CTNNA3: variants seen among roughly 807,000 people sequenced by gnomAD.
CTNNA3 encodes catenin alpha-3.
CTNNA3 carries 76 observed loss-of-function variants against 95.7 expected under a neutral mutation model. That is an observed-to-expected ratio of 0.79 (90% CI 0.66 to 0.96). The LOEUF (loss-of-function observed/expected upper bound fraction) is 0.96. CTNNA3 is among the 40% of genes least tolerant of loss of function. The probability of loss-of-function intolerance (pLI) is 0.00; values close to 1 mark genes in which losing one functional copy is unlikely to be tolerated. For synonymous variants in CTNNA3, 431 were observed against 374.4 expected, an observed-to-expected ratio of 1.15 and a Z score of -1.74; for missense variants, 1,191 against 1,089.8, an observed-to-expected ratio of 1.09 and a Z score of -1.31.
intron 1 of CTNNA3, among the ~76,000 whole-genome samples, chr10:67,681,150 A>G (rs1030161179): frequency 6.6e-6 from 1 of 152,214 alleles, no homozygotes; most frequent in African/African-American, 2.4e-5. Flanking sequence ...ATGTCCACAG[A>G]CCACTTGAGA....
rs551090969 is a variant in CTNNA3, at chr10:66,559,397, C to G, written c.1375-38624G>C. 2.0e-5 allele frequency among the ~76,000 whole-genome samples: 3 copies of G among 147,172 alleles called. No homozygotes were observed. The South Asian group carries it at 6.7e-4, about 33-fold the overall frequency. On this transcript the variant is annotated intron_variant, in intron 10 of 17. Coordinates refer to ENST00000433211, the MANE Select transcript of CTNNA3 (RefSeq NM_013266.4). ...TTCCTCACTTGTTCTCAATGAGGCA[C>G]AATATTGCCTCCTTCCAGAGGACAT...
rs557031645 is a variant in CTNNA3, at chr10:67,718,213, G to T, written c.-2+45221C>A. ...TTGCTTATCAGCTTAAGGAGATTTG[G>T]AGCTGAGAAAATGGGGTTTTCTAAA... On this transcript the variant is annotated intron_variant, in intron 1 of 17. Transcript: ENST00000684154. 3.3e-5 allele frequency among the ~76,000 whole-genome samples: 5 copies of T among 152,288 alleles called. No individual in the cohort carries two copies. In the East Asian group the frequency reaches 9.6e-4, roughly 29 times the overall value.
intron 17 of CTNNA3, among the ~76,000 whole-genome samples, chr10:65,924,831 C>T (rs1008201683): frequency 2.6e-5 from 4 of 152,168 alleles, no homozygotes; most frequent in African/African-American, 4.8e-5. Context: ...TCTTACATGG[C>T]AATCAAGGCA....
In CTNNA3 at chr10:67,474,261, T is replaced by C. The variant is rs558239218; in HGVS notation, c.579+47581A>G. 2.2e-3 allele frequency among the ~76,000 whole-genome samples: 336 copies of C among 152,342 alleles called. 2 individuals carry two copies. Among genetic ancestry groups the C allele is most frequent in the African/African-American group, 7.7e-3 (319 of 41,584 alleles). ...GGTCCTGAATACCAGAATGTGACTG[T>C]ATTTTGAGATAAGGCCTTTAAAAAG... is the stretch of plus-strand genomic sequence containing the variant. On this transcript the variant is annotated intron_variant, in intron 5 of 17. Transcript: ENST00000433211.
At chr10:67,726,164 C>A (rs1309861813) in intron 1 of CTNNA3, among the ~76,000 whole-genome samples, 19 of 89,530 alleles carry the variant, frequency 2.1e-4, no homozygotes, top group South Asian at 1.2e-3. Flanking sequence ...AATATATAAT[C>A]TTATATAATA....
intron 1 of CTNNA3, among the ~76,000 whole-genome samples, chr10:67,746,601 C>T (rs1841376074): frequency 6.6e-6 from 1 of 152,172 alleles, no homozygotes; most frequent in Admixed American, 6.5e-5. Flanking sequence ...GGGACAAAGG[C>T]AGCCCCCACC....
chr10:66,335,648 G>A (rs955923255), intron 12 of CTNNA3, among the ~76,000 whole-genome samples: 5 of 152,214 alleles, frequency 3.3e-5, no homozygotes, highest in East Asian at 1.9e-4. Context: ...CTACTTTGGG[G>A]TGCCTCCCAG....
Position 67,576,865 on chromosome 10 carries a change from C to T in CTNNA3, c.292+29992G>A, listed in dbSNP as rs1842175228. Among the ~76,000 whole-genome samples the T allele has an allele frequency of 1.8e-5, 2 of 110,884 alleles. 1 individual carries two copies. Among genetic ancestry groups the T allele is most frequent in the Non-Finnish European group, 3.2e-5 (2 of 62,706 alleles). The allele number at this position is 110,884 out of a possible 152,430, so 72.7% of individuals were successfully genotyped here. On this transcript the variant is annotated intron_variant, in intron 3 of 17. Transcript: ENST00000433211. ...TGATAGTTTCCAGCATCATCGATGT[C>T]CCTGCAAAGGACATGAACTCATCTT...
intron 13 of CTNNA3, among the ~76,000 whole-genome samples, chr10:66,112,932 T>C (rs1386675603): frequency 3.3e-5 from 5 of 152,190 alleles, no homozygotes; most frequent in Non-Finnish European, 7.4e-5. Flanking sequence ...GAAATAAACA[T>C]GGGAGTCCAG....
At chr10:67,352,715 A>G (rs1445262827) in intron 5 of CTNNA3, among the ~76,000 whole-genome samples, 1 of 151,954 alleles carries the variant, frequency 6.6e-6, no homozygotes, top group Non-Finnish European at 1.5e-5. Flanking sequence ...AACGGATTAA[A>G]CAAGTAAAAG....
At chr10:66,672,201 T>C (rs1175708825) in intron 9 of CTNNA3, among the ~76,000 whole-genome samples, 3 of 152,176 alleles carry the variant, frequency 2.0e-5, no homozygotes, top group African/African-American at 7.2e-5. Context: ...ATGCTATCGA[T>C]ATATCCCTCA....
intron 14 of CTNNA3, among the ~76,000 whole-genome samples, chr10:66,090,565 C>T (rs1008206970): frequency 1.4e-4 from 21 of 151,934 alleles, no homozygotes; most frequent in Non-Finnish European, 2.4e-4. Context: ...TCAATGACAG[C>T]AGTTAGTAAG....
In CTNNA3 at chr10:66,360,814, TTCCTTTCTTTC is replaced by T. The variant is rs772551786; in HGVS notation, c.1732+18327_1732+18337del. 6.9e-4 allele frequency among the ~76,000 whole-genome samples: 49 copies of T among 71,224 alleles called. 5 individuals carry two copies. Among genetic ancestry groups the T allele is most frequent in the Non-Finnish European group, 1.1e-3 (43 of 38,088 alleles). The allele number at this position is 71,224 out of a possible 152,430, so 46.7% of individuals were successfully genotyped here. A position where few individuals can be genotyped will look rare whatever the true frequency, so the allele number is the denominator to read the frequency against. On this transcript the variant is annotated intron_variant, in intron 12 of 17. Coordinates refer to ENST00000433211, the MANE Select transcript of CTNNA3 (RefSeq NM_013266.4). ...CTTCCTTCCTTCCTTCCTTCCTTCCTTCCTTTCTTTCTTTCTTTCTTTCTTTCTTTCTTTCT... is the reference window on the plus strand; with the variant it reads ...CTTCCTTCCTTCCTTCCTTCCTTCCTTTTCTTTCTTTCTTTCTTTCTTTCT...
At chr10:65,937,297 T>G (rs1471397083) in intron 17 of CTNNA3, among the ~76,000 whole-genome samples, 1 of 152,156 alleles carries the variant, frequency 6.6e-6, no homozygotes, top group Non-Finnish European at 1.5e-5. Context: ...GGATAATTAC[T>G]TTCCTGTTTT....
At chr10:67,066,055 AT>A (rs1564867048) in intron 7 of CTNNA3, among the ~76,000 whole-genome samples, 1 of 152,114 alleles carries the variant, frequency 6.6e-6, no homozygotes, top group Non-Finnish European at 1.5e-5. Context: ...CTATGAGGTT[AT>A]TTAGGGTCTG....
chr10:67,609,992 C>A (rs192872265), intron 2 of CTNNA3, among the ~76,000 whole-genome samples: 1 of 152,330 alleles, frequency 6.6e-6, no homozygotes, highest in Admixed American at 6.5e-5. Flanking sequence ...ATATCTCACT[C>A]TTGTCAGTCT....
rs1589241393 is a variant in CTNNA3, at chr10:66,775,493, T to C, written c.1079A>G (p.Asn360Ser). The change falls in exon 8 of 18, where the codon AAT becomes AGT. Residue 360 changes from asparagine (N) to serine (S), a missense_variant. Transcript: ENST00000433211. ...AGKKERSNTLNIALDNMCKKT... is the reference protein window; with the variant it reads ...AGKKERSNTLSIALDNMCKKT... ...CTTACACATGTTGTCTAAAGCAATA[T>C]TCAGGGTATTACTCCTTTCTTTTTT... The C allele has an allele frequency of 6.2e-7, 1 of 1,611,956 alleles. No homozygotes were observed. The highest frequency in any genetic ancestry group is 8.5e-7 in the Non-Finnish European group (1 of 1,178,968).
chr10:66,514,294 A>G (rs1840763628), intron 11 of CTNNA3, among the ~76,000 whole-genome samples: 1 of 152,160 alleles, frequency 6.6e-6, no homozygotes, highest in Non-Finnish European at 1.5e-5. Flanking sequence ...AGGCAAAACT[A>G]TGGAAGTAAG....
chr10:66,764,272 G>A (rs1389043360), intron 9 of CTNNA3, among the ~76,000 whole-genome samples: 1 of 152,092 alleles, frequency 6.6e-6, no homozygotes, highest in Non-Finnish European at 1.5e-5. Flanking sequence ...CAAAATTCTT[G>A]AACTTTAAAA....
Sources: gnomAD v4.1 joint callset for allele counts (sites outside exome capture counted in the v4.1 genomes callset) on GRCh38, gnomAD v4.1.1 for gene constraint, MANE v1.5 for transcripts, NCBI Gene and HGNC (gene_info 2026-07-23, HGNC 2026-07-21) for gene names.